VEGFC: variants seen among roughly 807,000 people sequenced by gnomAD.
VEGFC encodes FLT4 ligand DHM.
In VEGFC, 12 loss-of-function variants were observed where a neutral mutation model predicts 46.1. The ratio of observed to expected loss-of-function variants is 0.26; its 90% CI spans 0.17 to 0.42. The LOEUF is 0.42. Among genes scored for constraint, VEGFC ranks in the 10% least tolerant of loss-of-function variants. The probability of loss-of-function intolerance (pLI) is 1.00; values close to 1 mark genes in which losing one functional copy is unlikely to be tolerated. For missense variants in VEGFC, 488 were observed against 529.4 expected (o/e 0.92, Z 0.77); for synonymous variants, 232 against 195.5 (o/e 1.19, Z -1.56).
chr4:176,712,838 A>G (rs1488122159), intron 3 of VEGFC, among the ~76,000 whole-genome samples: 1 of 152,236 alleles, frequency 6.6e-6, no homozygotes, highest in African/African-American at 2.4e-5. Flanking sequence ...GTCTTCATTC[A>G]AGATGTATTC....
intron 3 of VEGFC, among the ~76,000 whole-genome samples, chr4:176,727,135 C>T (rs886690582): frequency 3.3e-5 from 5 of 152,158 alleles, no homozygotes; most frequent in African/African-American, 7.2e-5. Flanking sequence ...GCCCACAAAG[C>T]GGGTTTATGT....
intron 1 of VEGFC, among the ~76,000 whole-genome samples, chr4:176,779,581 T>A (rs1471796192): frequency 6.6e-6 from 1 of 152,028 alleles, no homozygotes; most frequent in Non-Finnish European, 1.5e-5. Flanking sequence ...CATCATCAAG[T>A]GGGGTGAAAC....
rs1736102505 is a variant in VEGFC at position 176,792,009 on chromosome 4, A to G, written c.147+156T>C. On this transcript the variant is annotated intron_variant, in intron 1 of 6. Coordinates refer to ENST00000618562, the MANE Select transcript of VEGFC (RefSeq NM_005429.5). This position sits in a 1 kb window ranked among gnomAD's most constrained non-coding sequence, Gnocchi z 6.3. ...CAACTTTCTATTTAAAAAGAAGAAG[A>G]TTTTTCTCCAAAGCAGCGTGCACTG... Among the ~76,000 whole-genome samples, 1 of 151,742 alleles carries G rather than the reference A, an allele frequency of 6.6e-6. No homozygotes were observed. The highest frequency in any genetic ancestry group is 2.1e-4 in the South Asian group (1 of 4,808).
intron 3 of VEGFC, among the ~76,000 whole-genome samples, chr4:176,720,650 G>T (rs13105049): frequency 2.6e-5 from 4 of 151,574 alleles, no homozygotes; most frequent in Non-Finnish European, 4.4e-5. Flanking sequence ...GACCAGCCTG[G>T]CTAACATGGT....
chr4:176,733,804 T>C (rs1330848971), intron 1 of VEGFC, among the ~76,000 whole-genome samples: 1 of 151,836 alleles, frequency 6.6e-6, no homozygotes, highest in Non-Finnish European at 1.5e-5. Flanking sequence ...AACTGAGAGC[T>C]AAATAGAATT....
intron 1 of VEGFC, among the ~76,000 whole-genome samples, chr4:176,762,152 T>C (rs1366918331): frequency 6.6e-6 from 1 of 152,214 alleles, no homozygotes; most frequent in Non-Finnish European, 1.5e-5. Flanking sequence ...GGGACAGTTC[T>C]AAAATTTCTT....
intron 1 of VEGFC, 135 bp from the exon 2 acceptor site, chr4:176,729,881 A>C (rs1190738545): frequency 4.1e-6 from 2 of 482,144 alleles, no homozygotes; most frequent in Non-Finnish European, 6.6e-6. Flanking sequence ...CTCCTAAATT[A>C]CTTCACTTTC....
At chr4:176,741,325 T>G (rs1047457923) in intron 1 of VEGFC, among the ~76,000 whole-genome samples, 1 of 152,002 alleles carries the variant, frequency 6.6e-6, no homozygotes, top group Non-Finnish European at 1.5e-5. Context: ...ATCACTCTAG[T>G]GCCCAGGGCT....
At chr4:176,711,936 G>C (rs923468033) in intron 3 of VEGFC, among the ~76,000 whole-genome samples, 8 of 152,066 alleles carry the variant, frequency 5.3e-5, no homozygotes, top group Admixed American at 4.6e-4. Flanking sequence ...AGACGTGACA[G>C]AACAATGTGT....
chr4:176,727,484 C>T (rs1056418973), intron 3 of VEGFC, among the ~76,000 whole-genome samples: 1 of 152,218 alleles, frequency 6.6e-6, no homozygotes, highest in Non-Finnish European at 1.5e-5. Flanking sequence ...CACACACATA[C>T]ACACGTACAT....
rs542563306 is a variant in VEGFC at position 176,708,668 on chromosome 4, G to A, written c.704+2831C>T. On this transcript the variant is annotated intron_variant, in intron 4 of 6. Transcript: ENST00000618562. ...AGCTAATTTAAAATTCTCTAATATCGACATATATATATACACAGAGACACA... is the reference window on the plus strand; with the variant it reads ...AGCTAATTTAAAATTCTCTAATATCAACATATATATATACACAGAGACACA... Among the ~76,000 whole-genome samples the A allele has an allele frequency of 5.3e-5, 8 of 151,954 alleles. No homozygotes were observed. In the South Asian group the frequency reaches 1.7e-3, roughly 32 times the overall value.
At chr4:176,736,969 C>T (rs188332249) in intron 1 of VEGFC, among the ~76,000 whole-genome samples, 157 of 151,164 alleles carry the variant, frequency 1.0e-3, no homozygotes, top group African/African-American at 3.5e-3. Flanking sequence ...TCCAGTTCAA[C>T]AAATGATAAC....
intron 3 of VEGFC, among the ~76,000 whole-genome samples, chr4:176,725,486 T>C (rs1734857947): frequency 6.6e-6 from 1 of 152,116 alleles, no homozygotes. Flanking sequence ...TGGATCTATG[T>C]TTTTAAAAAA....
intron 1 of VEGFC, among the ~76,000 whole-genome samples, chr4:176,743,765 A>G (rs1027771426): frequency 3.9e-5 from 6 of 151,930 alleles, no homozygotes; most frequent in Admixed American, 3.9e-4. Context: ...TTAATAGTAT[A>G]TGTTATTCTG....
Position 176,792,246 on chromosome 4 carries a change from A to G in VEGFC, c.66T>C (p.Pro22=). ...CGGCGGCGGCGGCGGGCGCCTCGCG[A>G]GGACCCGGGAGCAGCGCAGCGGCGA... ...SLLAAALLPG[P]REAPAAAAAF... is the part of the protein sequence containing the mutation. Residue 22 remains proline (P), a synonymous_variant, in exon 1 of 7, where the codon CCT becomes CCC. Transcript: ENST00000618562. The surrounding 1 kb of genome is among the most constrained non-coding windows in gnomAD (Gnocchi z 6.3). 1 of 1,551,360 alleles carries G rather than the reference A, an allele frequency of 6.4e-7. No homozygotes were observed.
chr4:176,771,844 C>G (rs1392677554), intron 1 of VEGFC, among the ~76,000 whole-genome samples: 1 of 152,062 alleles, frequency 6.6e-6, no homozygotes, highest in Non-Finnish European at 1.5e-5. Flanking sequence ...GTGGGATCTA[C>G]AAATCAACAC....
At chr4:176,700,801 A>C (rs903855251) in intron 4 of VEGFC, among the ~76,000 whole-genome samples, 3 of 152,224 alleles carry the variant, frequency 2.0e-5, no homozygotes, top group Admixed American at 1.3e-4. Flanking sequence ...AGGTCCTCCA[A>C]CAACAGCCGC....
At chr4:176,766,540 T>C (rs1735625078) in intron 1 of VEGFC, among the ~76,000 whole-genome samples, 1 of 151,294 alleles carries the variant, frequency 6.6e-6, no homozygotes, top group African/African-American at 2.4e-5. Context: ...TGAGCCATTA[T>C]TGCACTATTG....
chr4:176,777,045 A>G (rs987607474), intron 1 of VEGFC, among the ~76,000 whole-genome samples: 19 of 152,272 alleles, frequency 1.2e-4, no homozygotes, highest in African/African-American at 4.1e-4. Flanking sequence ...CGGGTGCGGT[A>G]GCTCACGCCT....
Sources: allele counts gnomAD v4.1 joint callset (sites outside exome capture counted in the v4.1 genomes callset), GRCh38; gene constraint gnomAD v4.1.1; non-coding constraint Gnocchi (gnomAD v3.1); transcripts MANE v1.5; gene names NCBI Gene and HGNC (gene_info 2026-07-23, HGNC 2026-07-21).